SUSD6: variants seen among roughly 807,000 people sequenced by gnomAD.
SUSD6 encodes sushi domain containing 6.
Under a neutral mutation model 28.4 loss-of-function variants are expected in SUSD6, and 16 were observed. The ratio of observed to expected loss-of-function variants is 0.56; its 90% CI spans 0.38 to 0.86. SUSD6 has a LOEUF of 0.86. Ranked by LOEUF, SUSD6 falls within the 40% of genes least tolerant of loss-of-function variation. The pLI, the probability that SUSD6 is intolerant of heterozygous loss-of-function variation, is 0.00. For missense variants in SUSD6, 341 were observed against 384.2 expected, an observed-to-expected ratio of 0.89 and a Z score of 0.94; for synonymous variants, 147 against 159.6, an observed-to-expected ratio of 0.92 and a Z score of 0.59.
intron 1 of SUSD6, among the ~76,000 whole-genome samples, chr14:69,648,957 G>C (rs1885466318): frequency 6.6e-6 from 1 of 152,006 alleles, no homozygotes; most frequent in Non-Finnish European, 1.5e-5. Flanking sequence ...AAGTAGCACT[G>C]TGCATGCAAA....
At chr14:69,629,825 G>A (rs1026996598) in intron 1 of SUSD6, among the ~76,000 whole-genome samples, 5 of 152,228 alleles carry the variant, frequency 3.3e-5, no homozygotes, top group Non-Finnish European at 7.3e-5. Flanking sequence ...GTTGGGGGTG[G>A]TATATGAAAA....
intron 1 of SUSD6, among the ~76,000 whole-genome samples, chr14:69,613,021 A>G (rs914464472): frequency 6.6e-6 from 1 of 152,098 alleles, no homozygotes; most frequent in African/African-American, 2.4e-5. Flanking sequence ...CTGACTTCTG[A>G]GTTCTCTGGG....
chr14:69,687,198 C>A (rs1464593706), intron 2 of SUSD6, among the ~76,000 whole-genome samples: 14 of 152,210 alleles, frequency 9.2e-5, no homozygotes, highest in Admixed American at 5.9e-4. Flanking sequence ...TGGTCTCGAA[C>A]TCCTGACTTC....
At position 69,652,443 on chromosome 14, in the gene SUSD6, ACT is replaced by A. The variant is rs974981615; in HGVS notation, c.-80-6067_-80-6066del. On this transcript the variant is annotated intron_variant, in intron 1 of 5. Transcript: ENST00000342745. ...ACTCCAGCCTGGGCAACAGAGTGAG[ACT>A]CTGTCTCGGAAAAAATAAATAAATA... Among the ~76,000 whole-genome samples the A allele has an allele frequency of 7.9e-4, 120 of 152,076 alleles. 9 individuals carry two copies. Among genetic ancestry groups the A allele is most frequent in the Admixed American group, 6.6e-5 (1 of 15,258 alleles).
intron 1 of SUSD6, among the ~76,000 whole-genome samples, chr14:69,623,996 GT>G (rs1885078585): frequency 6.6e-6 from 1 of 152,088 alleles, no homozygotes; most frequent in South Asian, 2.1e-4. Flanking sequence ...AGTGTACAGT[GT>G]TTATAAAGTC....
intron 2 of SUSD6, among the ~76,000 whole-genome samples, chr14:69,689,964 GT>G (rs1470330501): frequency 1.6e-4 from 25 of 152,154 alleles, no homozygotes; most frequent in South Asian, 8.3e-4. Context: ...CCATGCCCGT[GT>G]TTTTTTACTC....
intron 2 of SUSD6, among the ~76,000 whole-genome samples, chr14:69,684,543 C>G (rs1168670072): frequency 6.6e-6 from 1 of 152,198 alleles, no homozygotes; most frequent in South Asian, 2.1e-4. Flanking sequence ...AGATACTGCC[C>G]AGTTTTCTTA....
intron 2 of SUSD6, among the ~76,000 whole-genome samples, chr14:69,695,001 A>G (rs1886204580): frequency 6.6e-6 from 1 of 152,150 alleles, no homozygotes; most frequent in African/African-American, 2.4e-5. Context: ...CCACACCCTG[A>G]AAAAGGCTTG....
chr14:69,703,793 C>T (rs1367993477), intron 3 of SUSD6: 2 of 605,628 alleles, frequency 3.3e-6, no homozygotes, highest in African/African-American at 1.9e-5. Context: ...TATTGCATTT[C>T]ATTGAGCCAT....
At chr14:69,674,696 G>A (rs924826975) in intron 2 of SUSD6, among the ~76,000 whole-genome samples, 6 of 152,078 alleles carry the variant, frequency 3.9e-5, no homozygotes, top group African/African-American at 1.4e-4. Flanking sequence ...TCCCACCAGA[G>A]CCTGATGGTG....
At chr14:69,699,951 T>C (rs186118255) in intron 2 of SUSD6, among the ~76,000 whole-genome samples, 22 of 152,314 alleles carry the variant, frequency 1.4e-4, no homozygotes, top group Admixed American at 1.1e-3. Flanking sequence ...ATTTGCATAG[T>C]TGTGAAATAG....
intron 2 of SUSD6, among the ~76,000 whole-genome samples, chr14:69,695,937 C>T (rs1325645479): frequency 6.6e-6 from 1 of 152,212 alleles, no homozygotes; most frequent in African/African-American, 2.4e-5. Context: ...GTCTGGAATG[C>T]TCTAATTCCA....
rs1184762846 is a variant in SUSD6 at position 69,708,932 on chromosome 14, A to G, written c.714A>G (p.Leu238=). The G allele has an allele frequency of 6.2e-7, 1 of 1,614,204 alleles. No homozygotes were observed. Among genetic ancestry groups the G allele is most frequent in the Non-Finnish European group, 8.5e-7 (1 of 1,180,046 alleles). The change falls in exon 5 of 6, where the codon CTA becomes CTG. Residue 238 remains leucine (L), a synonymous_variant. Transcript: ENST00000342745. The stretch of plus-strand genomic sequence containing the variant: ...ATGAGGCCCCAGGCCAGTCTGGACT[A>G]TGTGAAGCCTGGGGCTCTCGGGCCT... ...GEDEAPGQSG[L]CEAWGSRASE...
At position 69,710,957 on chromosome 14, in the gene SUSD6, T is replaced by C. The variant is rs1566609605; in HGVS notation, c.890T>C (p.Ile297Thr). Residue 297 changes from isoleucine (I) to threonine (T), a missense_variant, in exon 6 of 6, where the codon ATT becomes ACT. Ile to Thr is a moderately conservative substitution (Grantham distance 89). Transcript: ENST00000342745. ...TTTTCTTCTGGTCTTCCTGCAGATA[T>C]TCCACTGTTGAAAGAAGCATGAGGG... ...SLTSEEYTDD[I>T]PLLKEA 5.6e-6 allele frequency: 9 copies of C among 1,614,132 alleles called. No individual in the cohort carries two copies. The highest frequency in any genetic ancestry group is 7.6e-6 in the Non-Finnish European group (9 of 1,179,986).
intron 2 of SUSD6, among the ~76,000 whole-genome samples, chr14:69,665,575 G>A (rs1415189435): frequency 6.6e-6 from 1 of 152,164 alleles, no homozygotes; most frequent in African/African-American, 2.4e-5. Context: ...TTAAGAACAG[G>A]ATTGTCCCTA....
chr14:69,623,822 A>T (rs1885076186), intron 1 of SUSD6, among the ~76,000 whole-genome samples: 1 of 152,234 alleles, frequency 6.6e-6, no homozygotes, highest in Non-Finnish European at 1.5e-5. Flanking sequence ...ATAGATAAGG[A>T]TATAAAGAAA....
At chr14:69,700,077 C>T (rs1886292805) in intron 2 of SUSD6, among the ~76,000 whole-genome samples, 1 of 152,142 alleles carries the variant, frequency 6.6e-6, no homozygotes, top group Non-Finnish European at 1.5e-5. Context: ...ATGGAGCCTC[C>T]ACTCTGAACA....
intron 2 of SUSD6, among the ~76,000 whole-genome samples, chr14:69,698,585 T>G (rs1335592830): frequency 6.6e-6 from 1 of 152,196 alleles, no homozygotes; most frequent in Admixed American, 6.5e-5. Flanking sequence ...TTAATTTGCC[T>G]CCTTCTGAAA....
At chr14:69,697,563 A>G (rs1886244469) in intron 2 of SUSD6, among the ~76,000 whole-genome samples, 1 of 152,250 alleles carries the variant, frequency 6.6e-6, no homozygotes, top group South Asian at 2.1e-4. Context: ...TGGGTTAAAT[A>G]AAATATTAAG....
Sources: allele counts gnomAD v4.1 joint callset (sites outside exome capture counted in the v4.1 genomes callset), GRCh38; gene constraint gnomAD v4.1.1; transcripts MANE v1.5; gene names NCBI Gene and HGNC (gene_info 2026-07-23, HGNC 2026-07-21).